AGGF1: variants seen among roughly 807,000 people sequenced by gnomAD.
AGGF1 encodes the protein angiogenic factor with G-patch and FHA domains 1, also known as angiogenic factor with G patch and FHA domains 1.
AGGF1 carries 56 observed loss-of-function variants against 86.5 expected under a neutral mutation model. The ratio of observed to expected loss-of-function variants is 0.65; its 90% CI spans 0.52 to 0.81. AGGF1 has a LOEUF of 0.81. Among genes scored for constraint, AGGF1 ranks in the 30% least tolerant of loss-of-function variants. AGGF1 has a pLI of 0.00. For missense variants in AGGF1, 816 were observed against 850.9 expected (o/e 0.96, Z 0.51); for synonymous variants, 313 against 297.1 (o/e 1.05, Z -0.55).
At chr5:77,047,964 A>G (rs1457965134) in intron 6 of AGGF1, among the ~76,000 whole-genome samples, 197 bp from the exon 7 acceptor site, 1 of 152,126 alleles carries the variant, frequency 6.6e-6, no homozygotes, top group Non-Finnish European at 1.5e-5. Flanking sequence ...AGCAACCTTT[A>G]TGTGGATCAC....
intron 1 of AGGF1, among the ~76,000 whole-genome samples, chr5:77,033,453 A>G (rs1746909112): frequency 6.6e-6 from 1 of 152,190 alleles, no homozygotes; most frequent in African/African-American, 2.4e-5. Context: ...ATTCATAGTG[A>G]TAGGGACAGT....
At position 77,061,711 on chromosome 5, in the gene AGGF1, C is replaced by T; in HGVS notation, c.1853C>T (p.Thr618Ile). The change falls in exon 13 of 14, where the codon ACT (threonine) becomes ATT (isoleucine). Residue 618 changes from threonine to isoleucine, a missense_variant. By Grantham distance (89) the Thr-to-Ile change is moderately conservative. Coordinates refer to ENST00000312916, the MANE Select transcript of AGGF1 (RefSeq NM_018046.5). ...DAPASVHSEI[T>I]DSNKGRKMLE... ...TTTAATATTCCTTAAAGTGAAATTA[C>T]TGATAGCAACAAAGGTCGGAAGATG... The T allele has an allele frequency of 6.2e-7, 1 of 1,611,696 alleles. No individual in the cohort carries two copies. The highest frequency in any genetic ancestry group is 8.5e-7 in the Non-Finnish European group (1 of 1,178,288).
chr5:77,041,586 A>AAAG (rs1554046284), intron 5 of AGGF1, among the ~76,000 whole-genome samples: 1 of 147,820 alleles, frequency 6.8e-6, no homozygotes, highest in African/African-American at 2.5e-5. Flanking sequence ...AAAAAAAAAA[A>AAAG]GAAGAAGGCT....
rs1180877202 is a variant in AGGF1, at chr5:77,063,881, T to C, written c.*629T>C. On this transcript the variant is annotated 3_prime_UTR_variant, in exon 14 of 14. Transcript: ENST00000312916. ...ATATTCAGCATTTATATTTGGTTTG[T>C]TTCATAGCTAATGAGGTATTTAGAT... The C allele has an allele frequency of 6.5e-6, 1 of 153,332 alleles. No homozygotes were observed. Among genetic ancestry groups the C allele is most frequent in the African/African-American group, 2.4e-5 (1 of 41,452 alleles). 9.5% of individuals were successfully genotyped at this position (153,332 alleles called of 1,614,324 possible).
intron 10 of AGGF1, among the ~76,000 whole-genome samples, chr5:77,054,605 A>G (rs1420021790): frequency 6.6e-6 from 1 of 152,220 alleles, no homozygotes; most frequent in Non-Finnish European, 1.5e-5. Flanking sequence ...AAAAAATGAT[A>G]AGTACATGAA....
rs544078828 is a variant in AGGF1 at position 77,035,867 on chromosome 5, T to C, written c.516+124T>C. The C allele has an allele frequency of 4.9e-6, 4 of 824,642 alleles. No individual in the cohort carries two copies. In the African/African-American group the frequency reaches 5.2e-5, roughly 11 times the overall value. 51.1% of individuals were successfully genotyped at this position (824,642 alleles called of 1,614,324 possible). A position where few individuals can be genotyped will look rare whatever the true frequency, so the allele number is the denominator to read the frequency against. On this transcript the variant is annotated intron_variant, in intron 3 of 13. Coordinates refer to ENST00000312916, the MANE Select transcript of AGGF1 (RefSeq NM_018046.5). ...TATATAAGGGTTATAAACATTCTTA[T>C]GTGTAATTATGCAAAGAATGTTGTA...
At chr5:77,042,496 C>G (rs1747118582) in intron 5 of AGGF1, among the ~76,000 whole-genome samples, 1 of 10,884 alleles carries the variant, frequency 9.2e-5, no homozygotes, top group African/African-American at 3.8e-4. Context: ...GGGGGCTGAC[C>G]CCCCCCACCT....
intron 1 of AGGF1, among the ~76,000 whole-genome samples, 196 bp from the exon 2 acceptor site, chr5:77,034,222 C>A (rs896491403): frequency 1.1e-4 from 16 of 152,108 alleles, no homozygotes; most frequent in African/African-American, 3.1e-4. Context: ...GATATTTGGA[C>A]ATTTAGTAAG....
At chr5:77,050,317 T>C (rs1747348660) in intron 8 of AGGF1, among the ~76,000 whole-genome samples, 1 of 131,582 alleles carries the variant, frequency 7.6e-6, no homozygotes, top group East Asian at 2.1e-4. Flanking sequence ...TTTTTTTTTT[T>C]TTTTTTTTTT....
At chr5:77,059,852 T>C (rs1747523784) in intron 12 of AGGF1, 109 bp downstream of exon 12, 1 of 1,434,306 alleles carries the variant, frequency 7.0e-7, no homozygotes, top group African/African-American at 1.4e-5. Flanking sequence ...ATTTATTTGT[T>C]TATTTATGAG....
Position 77,036,642 on chromosome 5 carries a change from T to A in AGGF1, c.603T>A (p.Ala201=). The A allele has an allele frequency of 6.2e-7, 1 of 1,613,876 alleles. No homozygotes were observed. The part of the protein sequence containing the change: ...AESLRAAAEA[A]VSQTGFSYDE... ...GTTTGAGAGCTGCAGCAGAAGCGGC[T>A]GTATCACAGACTGGATTTAGTTATG... The change falls in exon 4 of 14, where the codon GCT becomes GCA. Residue 201 remains alanine (A), a synonymous_variant. Transcript: ENST00000312916.
chr5:77,048,370 G>T, intron 7 of AGGF1, 98 bp downstream of exon 7: 1 of 1,054,436 alleles, frequency 9.5e-7, no homozygotes, highest in African/African-American at 1.6e-5. Context: ...TTTTGTTTTT[G>T]AGACAGAGTT....
At chr5:77,059,914 T>C (rs536251388) in intron 12 of AGGF1, among the ~76,000 whole-genome samples, 171 bp downstream of exon 12, 1 of 152,332 alleles carries the variant, frequency 6.6e-6, no homozygotes, top group South Asian at 2.1e-4. Flanking sequence ...TGGTCTCGGC[T>C]CACTGCAACC....
chr5:77,038,324 A>G (rs568348290), intron 4 of AGGF1, among the ~76,000 whole-genome samples: 5 of 151,838 alleles, frequency 3.3e-5, no homozygotes, highest in East Asian at 1.9e-4. Flanking sequence ...GTCTTTGTCA[A>G]TCTTCTGCCT....
rs1746955231 is a variant in AGGF1, at chr5:77,035,690, A to T, written c.463A>T (p.Arg155Ter). Residue 155 changes from arginine (R) to a stop codon, truncating the protein, a stop_gained, in exon 3 of 14, where the codon AGA becomes TGA. Transcript: ENST00000312916. LOFTEE classifies it high-confidence loss of function. ...VENDAYPGTD[R>*]TENVKYRQVD... ...AAATGATGCTTACCCTGGTACCGATAGAACAGAAAATGTTAAATATAGACA... is the reference window on the plus strand; with the variant it reads ...AAATGATGCTTACCCTGGTACCGATTGAACAGAAAATGTTAAATATAGACA... The T allele has an allele frequency of 1.9e-6, 3 of 1,613,736 alleles. No homozygotes were observed. The highest frequency in any genetic ancestry group is 2.5e-6 in the Non-Finnish European group (3 of 1,179,762).
chr5:77,061,547 A>G (rs1474272464), intron 12 of AGGF1, among the ~76,000 whole-genome samples, 156 bp from the exon 13 acceptor site: 1 of 152,236 alleles, frequency 6.6e-6, no homozygotes, highest in African/African-American at 2.4e-5. Flanking sequence ...TAAGTAGGAT[A>G]TGTACCAGTG....
chr5:77,039,779 AATTTTTTATGAAACTGAC>A (rs1336334083), intron 5 of AGGF1, 60 bp downstream of exon 5: 17 of 1,446,620 alleles, frequency 1.2e-5, no homozygotes, highest in Non-Finnish European at 1.4e-5. Context: ...ATTAAGACAA[AATTTTTTATGAAACTGAC>A]AATCATTCAA....
chr5:77,059,605 T>C lies in AGGF1; in HGVS notation c.1717-11T>C. On this transcript the variant is annotated splice_polypyrimidine_tract_variant and intron_variant, in intron 11 of 13. Coordinates refer to ENST00000312916, the MANE Select transcript of AGGF1 (RefSeq NM_018046.5). ...TTTCTTTTCCTGAATGAATATTTTG[T>C]GTTTATTAAGAATACAGAATACGAA... 1.3e-6 allele frequency: 2 copies of C among 1,595,024 alleles called. No individual in the cohort carries two copies.
rs1463012155 is a variant in AGGF1, at chr5:77,054,507, CAGACT to C, written c.1633+378_1633+382del. 3.3e-5 allele frequency among the ~76,000 whole-genome samples: 5 copies of C among 152,250 alleles called. No individual in the cohort carries two copies. In the East Asian group the frequency reaches 9.6e-4, roughly 29 times the overall value. ...AATCCAGTTTAGTAGGCTTTTGAGG[CAGACT>C]GTAGTGGTAGTCAAATGTACTTAAG... is the stretch of plus-strand genomic sequence containing the variant. On this transcript the variant is annotated intron_variant, in intron 10 of 13. Coordinates refer to ENST00000312916, the MANE Select transcript of AGGF1 (RefSeq NM_018046.5).
Sources: allele counts gnomAD v4.1 joint callset (sites outside exome capture counted in the v4.1 genomes callset), GRCh38; gene constraint gnomAD v4.1.1; transcripts MANE v1.5; gene names NCBI Gene and HGNC (gene_info 2026-07-23, HGNC 2026-07-21).